Variants in CLVS1 observed in about 807,000 individuals in gnomAD.
The protein encoded by CLVS1 is clavesin 1.
A neutral mutation model predicts 33.1 loss-of-function variants in CLVS1; 10 were observed. The ratio of observed to expected loss-of-function variants is 0.30; its 90% CI spans 0.19 to 0.51. The LOEUF is 0.51. CLVS1 is among the 20% of genes least tolerant of loss of function. CLVS1 has a pLI of 0.97. For synonymous variants in CLVS1, 163 were observed against 166.1 expected (o/e 0.98, Z 0.14); for missense variants, 343 against 433.4 (o/e 0.79, Z 1.85).
At chr8:61,438,637 T>TCC (rs1016926085) in intron 3 of CLVS1, among the ~76,000 whole-genome samples, 5 of 152,178 alleles carry the variant, frequency 3.3e-5, no homozygotes, top group African/African-American at 1.2e-4. Context: ...TAATTTACAT[T>TCC]CCCACCAACT....
chr8:60,971,845 C>G, the CLVS1 span, among the ~76,000 whole-genome samples: 1 of 152,050 alleles, frequency 6.6e-6, no homozygotes, highest in African/African-American at 2.4e-5. Context: ...ATCACCCCCA[C>G]CCCCACCTTC....
At chr8:61,250,582 T>C (rs1808919671) in intron 2 of CLVS1, among the ~76,000 whole-genome samples, 2 of 152,222 alleles carry the variant, frequency 1.3e-5, no homozygotes, top group African/African-American at 4.8e-5. Flanking sequence ...TTGTGTCCTT[T>C]CTTATTTCCT....
At chr8:61,433,744 C>A (rs112352100) in intron 3 of CLVS1, among the ~76,000 whole-genome samples, 1 of 151,546 alleles carries the variant, frequency 6.6e-6, no homozygotes, top group Admixed American at 6.6e-5. Flanking sequence ...TGAAACCCTA[C>A]CTCTACCAAA....
chr8:60,995,030 T>G, the CLVS1 span, among the ~76,000 whole-genome samples: 1 of 151,886 alleles, frequency 6.6e-6, no homozygotes, highest in Non-Finnish European at 1.5e-5. Context: ...GATTAAAGAC[T>G]TAAACGTTAG....
chr8:61,005,029 C>G, the CLVS1 span, among the ~76,000 whole-genome samples: 1 of 152,158 alleles, frequency 6.6e-6, no homozygotes, highest in Non-Finnish European at 1.5e-5. Context: ...CCATTTCATC[C>G]CAATGTCTGT....
intron 1 of CLVS1, among the ~76,000 whole-genome samples, chr8:61,074,252 T>C (rs897359820): frequency 2.0e-5 from 3 of 150,264 alleles, no homozygotes; most frequent in Non-Finnish European, 4.4e-5. Flanking sequence ...GTGAGAGGAC[T>C]GATTGAGCCA....
At chr8:61,218,559 T>C (rs551291678) in intron 2 of CLVS1, among the ~76,000 whole-genome samples, 2 of 152,024 alleles carry the variant, frequency 1.3e-5, no homozygotes, top group East Asian at 3.9e-4. Flanking sequence ...AAAATTACCC[T>C]GATCTGATTA....
chr8:61,035,606 TAGTGTAATCTAAACACC>T, the CLVS1 span, among the ~76,000 whole-genome samples: 7 of 152,194 alleles, frequency 4.6e-5, no homozygotes, highest in African/African-American at 1.4e-4. Context: ...AAGCTCTGTT[TAGTGTAATCTAAACACC>T]AGCACAAAGC....
At chr8:61,424,413 C>G (rs557562641) in intron 3 of CLVS1, among the ~76,000 whole-genome samples, 1 of 152,296 alleles carries the variant, frequency 6.6e-6, no homozygotes, top group South Asian at 2.1e-4. Context: ...TAAACACAAA[C>G]ACATAGATGT....
intron 2 of CLVS1, among the ~76,000 whole-genome samples, chr8:61,325,902 A>G (rs1006829728): frequency 2.0e-5 from 3 of 152,216 alleles, no homozygotes; most frequent in Non-Finnish European, 2.9e-5. Flanking sequence ...ATAATTTATC[A>G]TACATAGAAA....
the CLVS1 span, among the ~76,000 whole-genome samples, chr8:61,007,222 A>G: frequency 6.6e-6 from 1 of 152,244 alleles, no homozygotes; most frequent in Non-Finnish European, 1.5e-5. Flanking sequence ...TCGTGTTTAG[A>G]TATGAGATCG....
the CLVS1 span, among the ~76,000 whole-genome samples, chr8:61,029,181 A>G: frequency 6.6e-6 from 1 of 152,248 alleles, no homozygotes; most frequent in African/African-American, 2.4e-5. Context: ...CAAGTTGAGT[A>G]ACAAGTGCAA....
the CLVS1 span, among the ~76,000 whole-genome samples, chr8:61,021,284 T>A: frequency 6.6e-6 from 1 of 152,190 alleles, no homozygotes; most frequent in East Asian, 1.9e-4. Context: ...GGATGGCTGG[T>A]CTCCTGGGCA....
intron 5 of CLVS1, chr8:61,458,764 G>T (rs1183156759): frequency 4.8e-6 from 2 of 418,730 alleles, no homozygotes; most frequent in East Asian, 7.7e-5. Context: ...ATAGTTAAAG[G>T]CTAGGACTTC....
the CLVS1 span, among the ~76,000 whole-genome samples, chr8:61,005,996 G>T: frequency 6.6e-6 from 1 of 152,194 alleles, no homozygotes; most frequent in Non-Finnish European, 1.5e-5. Flanking sequence ...TAGCTTGCAG[G>T]TCAGGGCAAG....
intron 1 of CLVS1, among the ~76,000 whole-genome samples, chr8:61,105,344 T>C (rs1449683185): frequency 6.6e-6 from 1 of 152,184 alleles, no homozygotes; most frequent in Non-Finnish European, 1.5e-5. Context: ...AAAGCTTCTA[T>C]TATTGGGATT....
chr8:61,167,287 C>T (rs1458358032), intron 2 of CLVS1, among the ~76,000 whole-genome samples: 1 of 151,592 alleles, frequency 6.6e-6, no homozygotes, highest in Non-Finnish European at 1.5e-5. Context: ...CTTCGCCTCC[C>T]GAGTTCAAGC....
the CLVS1 span, among the ~76,000 whole-genome samples, chr8:61,003,826 A>G: frequency 1.3e-5 from 2 of 152,246 alleles, no homozygotes; most frequent in African/African-American, 2.4e-5. Flanking sequence ...AAAACAGATG[A>G]AGTTTCTGAC....
chr8:61,425,814 A>G (rs970664641), intron 3 of CLVS1, among the ~76,000 whole-genome samples: 8 of 152,232 alleles, frequency 5.3e-5, no homozygotes, highest in Non-Finnish European at 1.0e-4. Flanking sequence ...GAGAGTAGAC[A>G]GTTCCACATG....
Sources: allele counts gnomAD v4.1 joint callset (sites outside exome capture counted in the v4.1 genomes callset), GRCh38; gene constraint gnomAD v4.1.1; transcripts MANE v1.5; gene names NCBI Gene and HGNC (gene_info 2026-07-23, HGNC 2026-07-21).